DIAPH3: variants seen among roughly 807,000 people sequenced by gnomAD.
DIAPH3 encodes the protein protein diaphanous homolog 3.
A neutral mutation model predicts 144.3 loss-of-function variants in DIAPH3; 117 were observed. The observed-to-expected ratio is 0.81, with a 90% CI of 0.70 to 0.95. The LOEUF (loss-of-function observed/expected upper bound fraction) is 0.95. Among genes scored for constraint, DIAPH3 ranks in the 40% least tolerant of loss-of-function variants. DIAPH3 has a pLI of 0.00. For missense variants in DIAPH3, 1,421 were observed against 1,412.7 expected, an observed-to-expected ratio of 1.01 and a Z score of -0.09; for synonymous variants, 519 against 488.9, an observed-to-expected ratio of 1.06 and a Z score of -0.81.
chr13:59,924,658 A>T (rs556391058), intron 18 of DIAPH3, 117 bp downstream of exon 18: 2 of 1,437,924 alleles, frequency 1.4e-6, no homozygotes, highest in South Asian at 2.8e-5. Flanking sequence ...TGAATTTATC[A>T]TGCATATAAT....
intron 17 of DIAPH3, among the ~76,000 whole-genome samples, chr13:59,927,223 G>A (rs945895154): frequency 6.6e-6 from 1 of 152,098 alleles, no homozygotes; most frequent in African/African-American, 2.4e-5. Flanking sequence ...TACAGGTGAA[G>A]TGAGTTATTG....
intron 14 of DIAPH3, 50 bp downstream of exon 14, chr13:59,980,745 C>T: frequency 2.0e-6 from 3 of 1,492,312 alleles, no homozygotes; most frequent in Non-Finnish European, 1.9e-6. Context: ...CAGAAGCATG[C>T]CTGCAGTGGT....
chr13:59,904,804 G>C (rs1005446014), intron 20 of DIAPH3, among the ~76,000 whole-genome samples: 1 of 152,158 alleles, frequency 6.6e-6, no homozygotes, highest in Non-Finnish European at 1.5e-5. Flanking sequence ...ATATTTACAA[G>C]AGTAGCGCTA....
chr13:59,953,524 A>G (rs7996495), intron 17 of DIAPH3, among the ~76,000 whole-genome samples: 97,171 of 152,010 alleles, frequency 0.64, 31,974 homozygotes, highest in African/African-American at 0.74. Context: ...GAAGGAACCA[A>G]TAGGAATTTT....
chr13:59,832,651 G>A (rs2041836909), intron 24 of DIAPH3, among the ~76,000 whole-genome samples: 1 of 151,624 alleles, frequency 6.6e-6, no homozygotes, highest in South Asian at 2.1e-4. Flanking sequence ...GTATCCTAAA[G>A]GAAACCCTAC....
At chr13:59,914,588 C>T (rs549464827) in intron 19 of DIAPH3, among the ~76,000 whole-genome samples, 3 of 151,902 alleles carry the variant, frequency 2.0e-5, no homozygotes, top group Non-Finnish European at 4.4e-5. Flanking sequence ...TTTGGATGTA[C>T]TCAATGTAAT....
chr13:60,042,778 T>C lies in DIAPH3; in HGVS notation c.538A>G (p.Ile180Val), dbSNP rs1238596673. 6.2e-7 allele frequency: 1 copy of C among 1,613,758 alleles called. No individual in the cohort carries two copies. Among genetic ancestry groups the C allele is most frequent in the South Asian group, 1.1e-5 (1 of 91,068 alleles). The change falls in exon 5 of 28, where the codon ATT becomes GTT. Residue 180 changes from isoleucine (I) to valine (V), a missense_variant. Coordinates refer to ENST00000400324, the MANE Select transcript of DIAPH3 (RefSeq NM_001042517.2). The part of the protein sequence containing the change: ...RSRQISPQEF[I>V]HELKMGSADE... The stretch of plus-strand genomic sequence containing the variant: ...GCAGACCCCATTTTCAGCTCATGAA[T>C]GAATTCCTGAGGTGAGATCTGTCGG...
At chr13:59,754,999 T>C (rs180775986) in intron 27 of DIAPH3, among the ~76,000 whole-genome samples, 1 of 152,336 alleles carries the variant, frequency 6.6e-6, no homozygotes, top group African/African-American at 2.4e-5. Context: ...ATCATTAACT[T>C]CTTTTCTATA....
At chr13:59,829,674 A>T (rs2041671642) in intron 24 of DIAPH3, among the ~76,000 whole-genome samples, 1 of 151,934 alleles carries the variant, frequency 6.6e-6, no homozygotes, top group Admixed American at 6.6e-5. Context: ...TGCACTAGAG[A>T]CAGAAAGATA....
intron 4 of DIAPH3, among the ~76,000 whole-genome samples, chr13:60,072,965 T>G (rs920976466): frequency 2.0e-5 from 3 of 152,170 alleles, no homozygotes; most frequent in African/African-American, 7.2e-5. Context: ...GCATTTTGTT[T>G]TGTGTATTTT....
intron 20 of DIAPH3, among the ~76,000 whole-genome samples, chr13:59,911,463 TTTTAC>T (rs1334973647): frequency 6.6e-6 from 1 of 152,196 alleles, no homozygotes; most frequent in African/African-American, 2.4e-5. Context: ...GAAGTACAGT[TTTTAC>T]TTTACATTTT....
In DIAPH3 at chr13:59,992,464, G is replaced by T; in HGVS notation, c.1125+9C>A. The T allele has an allele frequency of 6.2e-7, 1 of 1,600,252 alleles. No individual in the cohort carries two copies. On this transcript the variant is annotated intron_variant, in intron 10 of 27. Transcript: ENST00000400324. ...TTAAATATTAATAAGGAGACTGCAG[G>T]GCACTTACTGGCAATATCTCTTTCA...
intron 3 of DIAPH3, among the ~76,000 whole-genome samples, chr13:60,099,228 C>T (rs1273683730): frequency 1.3e-5 from 2 of 152,128 alleles, no homozygotes; most frequent in East Asian, 3.9e-4. Context: ...AATTGAAATG[C>T]AGAAATGCAT....
At chr13:59,757,746 A>G (rs947169102) in intron 27 of DIAPH3, among the ~76,000 whole-genome samples, 3 of 152,136 alleles carry the variant, frequency 2.0e-5, no homozygotes, top group Non-Finnish European at 4.4e-5. Flanking sequence ...CAGCCACTGA[A>G]ACACTGTTAA....
chr13:60,118,918 C>T (rs887990051), intron 2 of DIAPH3, among the ~76,000 whole-genome samples: 7 of 152,212 alleles, frequency 4.6e-5, no homozygotes, highest in Non-Finnish European at 1.0e-4. Flanking sequence ...GCACACAGTA[C>T]AGTCTCTTCC....
At chr13:59,732,377 TGC>T (rs562217893) in intron 27 of DIAPH3, among the ~76,000 whole-genome samples, 292 of 151,380 alleles carry the variant, frequency 1.9e-3, no homozygotes, top group African/African-American at 6.6e-3. Context: ...CAATTAAATA[TGC>T]TTAATTGTTT....
chr13:59,950,647 G>A (rs540654501), intron 17 of DIAPH3, among the ~76,000 whole-genome samples: 1 of 152,202 alleles, frequency 6.6e-6, no homozygotes, highest in African/African-American at 2.4e-5. Flanking sequence ...GCCAAGAAAT[G>A]AAGTATATGA....
rs540386140 is a variant in DIAPH3 at position 59,712,036 on chromosome 13, T to C, written c.3320-45190A>G. On this transcript the variant is annotated intron_variant, in intron 27 of 27. Coordinates refer to ENST00000400324, the MANE Select transcript of DIAPH3 (RefSeq NM_001042517.2). Reference sequence around the variant, plus strand: ...GGACAATAAAACACAAAGAGAAGGTTACAAATAGAATAGGACCACTGAAAT... The same window carrying C: ...GGACAATAAAACACAAAGAGAAGGTCACAAATAGAATAGGACCACTGAAAT... Among the ~76,000 whole-genome samples, 5 of 152,238 alleles carry C rather than the reference T, an allele frequency of 3.3e-5. No homozygotes were observed. In the South Asian group the frequency reaches 8.3e-4, roughly 25 times the overall value.
At chr13:59,701,421 C>T in intron 27 of DIAPH3, among the ~76,000 whole-genome samples, 2 of 152,298 alleles carry the variant, frequency 1.3e-5, no homozygotes, top group Admixed American at 1.3e-4. Context: ...GATCACATTG[C>T]TGCAAAAATG....
Sources: allele counts gnomAD v4.1 joint callset (sites outside exome capture counted in the v4.1 genomes callset), GRCh38; gene constraint gnomAD v4.1.1; transcripts MANE v1.5; gene names NCBI Gene and HGNC (gene_info 2026-07-23, HGNC 2026-07-21).